The following CHCHD3 variants were observed in gnomAD, a reference collection of about 807,000 sequenced individuals.
CHCHD3 encodes the protein MICOS complex subunit MIC19.
CHCHD3 carries 20 observed loss-of-function variants against 38.2 expected under a neutral mutation model. The observed-to-expected ratio is 0.52, with a 90% CI of 0.37 to 0.76. The LOEUF is 0.76. Ranked by LOEUF, CHCHD3 falls within the 30% of genes least tolerant of loss-of-function variation. The pLI, the probability that CHCHD3 is intolerant of heterozygous loss-of-function variation, is 0.00. For synonymous variants in CHCHD3, 82 were observed against 100.0 expected (o/e 0.82, Z 1.07); for missense variants, 245 against 279.2 (o/e 0.88, Z 0.87).
At chr7:132,799,666 CAAA>C (rs1428682140) in intron 6 of CHCHD3, among the ~76,000 whole-genome samples, 1 of 151,988 alleles carries the variant, frequency 6.6e-6, no homozygotes, top group Non-Finnish European at 1.5e-5. Flanking sequence ...AATAGTTACT[CAAA>C]AACATGTTTA....
rs183855412 is a variant in CHCHD3 at position 132,963,841 on chromosome 7, C to T, written c.369+11328G>A. Among the ~76,000 whole-genome samples the T allele has an allele frequency of 5.9e-4, 90 of 152,134 alleles. 2 individuals are homozygous for T. The highest frequency in any genetic ancestry group is 5.9e-3 in the Admixed American group (90 of 15,286). ...AAAGAGCTTATTTTTTGGAAATAAA[C>T]TAATTTTTAATACATTAGTTAACCT... On this transcript the variant is annotated intron_variant, in intron 4 of 7. Coordinates refer to ENST00000262570, the MANE Select transcript of CHCHD3 (RefSeq NM_017812.4).
At chr7:132,889,490 T>A (rs1334039138) in intron 4 of CHCHD3, among the ~76,000 whole-genome samples, 1 of 152,162 alleles carries the variant, frequency 6.6e-6, no homozygotes, top group East Asian at 1.9e-4. Context: ...ATATGCTCAC[T>A]CACTTTTCTA....
chr7:133,000,295 G>GTCCAC (rs1193319539), intron 3 of CHCHD3, among the ~76,000 whole-genome samples: 1 of 152,102 alleles, frequency 6.6e-6, no homozygotes, highest in Non-Finnish European at 1.5e-5. Context: ...GGTAACAGTG[G>GTCCAC]TATCTCTGCA....
chr7:133,038,664 G>C (rs1231750334), intron 2 of CHCHD3, among the ~76,000 whole-genome samples: 3 of 152,186 alleles, frequency 2.0e-5, no homozygotes, highest in African/African-American at 7.2e-5. Flanking sequence ...CTGAGGTTAA[G>C]CTAAGTCAGA....
intron 2 of CHCHD3, chr7:133,034,902 T>A (rs532273738): frequency 6.2e-7 from 1 of 1,609,448 alleles, no homozygotes; most frequent in Non-Finnish European, 8.5e-7. Context: ...AGTGATGAGA[T>A]TGCAGCTCAT....
In CHCHD3 at chr7:132,995,064, A is replaced by T. The variant is rs144157455; in HGVS notation, c.252-19778T>A. Among the ~76,000 whole-genome samples the T allele has an allele frequency of 7.0e-3, 1,074 of 152,374 alleles. 11 individuals carry two copies. Among genetic ancestry groups the T allele is most frequent in the African/African-American group, 0.024 (1,000 of 41,582 alleles). ...TTCAAAAACAAATACATTGATTTTA[A>T]AGCCACACTAAGCAGTATACTAGAT... is the stretch of plus-strand genomic sequence containing the variant. On this transcript the variant is annotated intron_variant, in intron 3 of 7. Coordinates refer to ENST00000262570, the MANE Select transcript of CHCHD3 (RefSeq NM_017812.4).
intron 4 of CHCHD3, among the ~76,000 whole-genome samples, chr7:132,940,132 A>G (rs960015364): frequency 2.6e-5 from 4 of 152,220 alleles, no homozygotes; most frequent in African/African-American, 9.6e-5. Context: ...TTACAAATAA[A>G]GACTAGATTA....
At chr7:132,915,901 G>A (rs982181061) in intron 4 of CHCHD3, among the ~76,000 whole-genome samples, 1 of 150,904 alleles carries the variant, frequency 6.6e-6, no homozygotes, top group Non-Finnish European at 1.5e-5. Flanking sequence ...GTTGGTGTGT[G>A]TAATATTGTG....
intron 6 of CHCHD3, among the ~76,000 whole-genome samples, chr7:132,822,808 G>A (rs1042626304): frequency 6.6e-6 from 1 of 150,492 alleles, no homozygotes; most frequent in Admixed American, 6.6e-5. Context: ...CGCCCCCACC[G>A]CGCCCCCCAC....
chr7:132,958,912 G>T (rs1811245193), intron 4 of CHCHD3, among the ~76,000 whole-genome samples: 1 of 152,152 alleles, frequency 6.6e-6, no homozygotes, highest in South Asian at 2.1e-4. Flanking sequence ...ACCACAACTG[G>T]GAGAGGAAGA....
At position 132,955,048 on chromosome 7, in the gene CHCHD3, C is replaced by G. The variant is rs142566889; in HGVS notation, c.369+20121G>C. Among the ~76,000 whole-genome samples the G allele has an allele frequency of 1.5e-3, 234 of 152,276 alleles. 2 individuals are homozygous for G. Among genetic ancestry groups the G allele is most frequent in the Non-Finnish European group, 2.4e-3 (166 of 68,032 alleles). ...ACGGTAACTGCAACTGGGGAAGAGT[C>G]AGCGTAGGCCCTTCTCTAAATGGGC... On this transcript the variant is annotated intron_variant, in intron 4 of 7. Coordinates refer to ENST00000262570, the MANE Select transcript of CHCHD3 (RefSeq NM_017812.4).
rs200561295 is a variant in CHCHD3 at position 133,002,356 on chromosome 7, A to G, written c.251+22190T>C. Among the ~76,000 whole-genome samples, 36 of 152,298 alleles carry G rather than the reference A, an allele frequency of 2.4e-4. 2 individuals are homozygous for G. The East Asian group carries it at 6.9e-3, about 29-fold the overall frequency. On this transcript the variant is annotated intron_variant, in intron 3 of 7. Transcript: ENST00000262570. ...CCTGGAAGGGTAAATCACTGACTTG[A>G]GATCACAGATTACTAAGAGACAAAG...
intron 6 of CHCHD3, among the ~76,000 whole-genome samples, chr7:132,797,626 G>A (rs962195655): frequency 3.3e-5 from 5 of 152,040 alleles, no homozygotes; most frequent in Non-Finnish European, 7.4e-5. Flanking sequence ...AATACAAATC[G>A]GTGCAAAGAA....
chr7:132,945,894 A>C (rs1173829655), intron 4 of CHCHD3, among the ~76,000 whole-genome samples: 1 of 151,810 alleles, frequency 6.6e-6, no homozygotes, highest in East Asian at 1.9e-4. Context: ...AATTATGCTC[A>C]TGAACATGAG....
At chr7:132,785,879 G>A (rs1806303393) in intron 7 of CHCHD3, among the ~76,000 whole-genome samples, 1 of 152,086 alleles carries the variant, frequency 6.6e-6, no homozygotes, top group Non-Finnish European at 1.5e-5. Flanking sequence ...CACCACATGG[G>A]TTGAAAACCC....
chr7:132,839,214 T>C (rs904444521), intron 5 of CHCHD3, among the ~76,000 whole-genome samples: 3 of 152,018 alleles, frequency 2.0e-5, no homozygotes, highest in East Asian at 3.9e-4. Flanking sequence ...AAAGTTTTCT[T>C]TATGGAGCTT....
intron 3 of CHCHD3, among the ~76,000 whole-genome samples, chr7:133,015,346 A>T (rs1812999628): frequency 1.6e-5 from 2 of 121,992 alleles, no homozygotes. Context: ...ACGTCTCAAA[A>T]ATTAAATAAA....
At chr7:132,932,496 C>A (rs149442724) in intron 4 of CHCHD3, among the ~76,000 whole-genome samples, 1 of 152,188 alleles carries the variant, frequency 6.6e-6, no homozygotes, top group Non-Finnish European at 1.5e-5. Context: ...CCCTGGAAGG[C>A]ACTGCTTATT....
At chr7:132,962,129 C>A (rs1811334769) in intron 4 of CHCHD3, among the ~76,000 whole-genome samples, 2 of 152,144 alleles carry the variant, frequency 1.3e-5, no homozygotes, top group Admixed American at 1.3e-4. Context: ...ACCACTTTTA[C>A]TAATCAGAAT....
Sources: allele counts gnomAD v4.1 joint callset (sites outside exome capture counted in the v4.1 genomes callset), GRCh38; gene constraint gnomAD v4.1.1; transcripts MANE v1.5; gene names NCBI Gene and HGNC (gene_info 2026-07-23, HGNC 2026-07-21).